The following DEFB116 variants were observed in gnomAD, a reference collection of about 807,000 sequenced individuals.
The protein encoded by DEFB116 is defensin beta 116.
In DEFB116, 5 loss-of-function variants were observed where a neutral mutation model predicts 2.8. That is an observed-to-expected ratio of 1.80 (90% CI 0.94 to 3.79). The LOEUF (loss-of-function observed/expected upper bound fraction) is 3.79, where lower values mean the gene tolerates loss of function less well. Among genes scored for constraint, DEFB116 ranks in the 30% most tolerant of loss-of-function variants. The pLI is 0.00. For synonymous variants in DEFB116, 56 were observed against 40.8 expected, an observed-to-expected ratio of 1.37 and a Z score of -1.42; for missense variants, 170 against 118.0, an observed-to-expected ratio of 1.44 and a Z score of -2.04.
chr20:31,305,188 G>T (rs945239301), intron 1 of DEFB116, among the ~76,000 whole-genome samples: 4 of 151,992 alleles, frequency 2.6e-5, no homozygotes, highest in African/African-American at 9.7e-5. Flanking sequence ...CCCTTATCAT[G>T]GGACCTGCAC....
chr20:31,305,477 A>T, intron 1 of DEFB116, among the ~76,000 whole-genome samples: 1 of 152,144 alleles, frequency 6.6e-6, no homozygotes, highest in East Asian at 1.9e-4. Flanking sequence ...TGATTTAAAT[A>T]AATTTTTTAA....
intron 1 of DEFB116, among the ~76,000 whole-genome samples, chr20:31,306,279 A>G (rs902786714): frequency 1.3e-5 from 2 of 152,164 alleles, no homozygotes; most frequent in African/African-American, 4.8e-5. Flanking sequence ...TCAGCTCAAC[A>G]TCAGAAATGT....
At chr20:31,306,281 C>G (rs1984989080) in intron 1 of DEFB116, among the ~76,000 whole-genome samples, 1 of 152,104 alleles carries the variant, frequency 6.6e-6, no homozygotes, top group Non-Finnish European at 1.5e-5. Flanking sequence ...AGCTCAACAT[C>G]AGAAATGTGT....
intron 1 of DEFB116, among the ~76,000 whole-genome samples, chr20:31,305,612 T>C (rs1984975394): frequency 6.6e-6 from 1 of 152,074 alleles, no homozygotes; most frequent in African/African-American, 2.4e-5. Flanking sequence ...ACTTTGATAA[T>C]CTCTCCATCT....
rs894089828 is a variant in DEFB116 at position 31,303,342 on chromosome 20, G to A, written c.179C>T (p.Thr60Ile). 9 of 1,613,488 alleles carry A rather than the reference G, an allele frequency of 5.6e-6. No homozygotes were observed. The highest frequency in any genetic ancestry group is 2.2e-5 in the East Asian group (1 of 44,874). The change falls in exon 2 of 2, where the codon ACC becomes ATC. Residue 60 changes from threonine (T) to isoleucine (I), a missense_variant. Coordinates refer to ENST00000400549, the MANE Select transcript of DEFB116 (RefSeq NM_001037731.1). ...GCAGCACTTTTGATCATTTGGGCAG[G>A]TTAAGTATTGGATTTCATATTCTCT... ...ACREYEIQYL[T>I]CPNDQKCCLK...
At chr20:31,303,571 A>C in intron 1 of DEFB116, 118 bp from the exon 2 acceptor site, 1 of 1,392,802 alleles carries the variant, frequency 7.2e-7, no homozygotes, top group Non-Finnish European at 9.7e-7. Flanking sequence ...AATCAAAACT[A>C]CCTAGATTCA....
intron 1 of DEFB116, among the ~76,000 whole-genome samples, chr20:31,307,392 C>A (rs781518269): frequency 1.3e-5 from 2 of 152,072 alleles, no homozygotes; most frequent in African/African-American, 2.4e-5. Flanking sequence ...GGATATTTAT[C>A]TTACACCATA....
At chr20:31,305,149 T>C (rs1433003050) in intron 1 of DEFB116, among the ~76,000 whole-genome samples, 2 of 152,064 alleles carry the variant, frequency 1.3e-5, no homozygotes, top group Non-Finnish European at 2.9e-5. Context: ...AGCACAATGA[T>C]ATCACTGTGT....
chr20:31,304,563 A>C (rs1372094193), intron 1 of DEFB116, among the ~76,000 whole-genome samples: 1 of 152,078 alleles, frequency 6.6e-6, no homozygotes, highest in East Asian at 1.9e-4. Context: ...TCTGGTCTAC[A>C]TGACATCAAG....
At position 31,308,432 on chromosome 20, in the gene DEFB116, A is replaced by G. The variant is rs919271942; in HGVS notation, c.67+87T>C. 32 of 1,327,424 alleles carry G rather than the reference A, an allele frequency of 2.4e-5. No individual in the cohort carries two copies. The Admixed American group carries it at 4.9e-4, about 20-fold the overall frequency. The allele number at this position is 1,327,424 out of a possible 1,614,324, so 82.2% of individuals were successfully genotyped here. A position where few individuals can be genotyped will look rare whatever the true frequency, so the allele number is the denominator to read the frequency against. Reference sequence around the variant, plus strand: ...GAAAAGGCTTTAGGTGTTGCCCACTATATGTGAGTAGGAGTCACTGCAGAG... The same window carrying G: ...GAAAAGGCTTTAGGTGTTGCCCACTGTATGTGAGTAGGAGTCACTGCAGAG... On this transcript the variant is annotated intron_variant, in intron 1 of 1. Coordinates refer to ENST00000400549, the MANE Select transcript of DEFB116 (RefSeq NM_001037731.1).
rs1266375121 is a variant in DEFB116 at position 31,308,199 on chromosome 20, GCTC to G, written c.67+317_67+319del. 5.9e-5 allele frequency among the ~76,000 whole-genome samples: 9 copies of G among 152,074 alleles called. No individual in the cohort carries two copies. In the East Asian group the frequency reaches 9.7e-4, roughly 16 times the overall value. On this transcript the variant is annotated intron_variant, in intron 1 of 1. Transcript: ENST00000400549. ...TCCAAACTGCTATACCCCTCCTATA[GCTC>G]CTCAACTTGCACACAGTCTCTCACA...
At chr20:31,303,669 G>A (rs562285320) in intron 1 of DEFB116, among the ~76,000 whole-genome samples, 2 of 152,216 alleles carry the variant, frequency 1.3e-5, no homozygotes, top group Admixed American at 6.5e-5. Context: ...TTCACAACAG[G>A]CAAAATAATA....
In DEFB116 at chr20:31,303,326, T is replaced by C; in HGVS notation, c.195A>G (p.Gln65=). 6.2e-7 allele frequency: 1 copy of C among 1,613,636 alleles called. No individual in the cohort carries two copies. The highest frequency in any genetic ancestry group is 8.5e-7 in the Non-Finnish European group (1 of 1,179,606). The change falls in exon 2 of 2, where the codon CAA becomes CAG. Residue 65 remains glutamine, a synonymous_variant. Coordinates refer to ENST00000400549, the MANE Select transcript of DEFB116 (RefSeq NM_001037731.1). The stretch of plus-strand genomic sequence containing the variant: ...TCACAGAAAGTTTCAGGCAGCACTT[T>C]TGATCATTTGGGCAGGTTAAGTATT... The part of the protein sequence containing the change: ...EIQYLTCPND[Q]KCCLKLSVKI...
intron 1 of DEFB116, among the ~76,000 whole-genome samples, chr20:31,307,883 C>A (rs539061836): frequency 6.6e-6 from 1 of 151,956 alleles, no homozygotes; most frequent in African/African-American, 2.4e-5. Flanking sequence ...AAAAGCCCAA[C>A]TGCAAAACAT....
At chr20:31,305,652 C>T (rs1984976160) in intron 1 of DEFB116, among the ~76,000 whole-genome samples, 1 of 151,890 alleles carries the variant, frequency 6.6e-6, no homozygotes, top group African/African-American at 2.4e-5. Context: ...CCAGCTTTTG[C>T]ATTTCAGCAT....
chr20:31,304,906 T>A (rs890091871), intron 1 of DEFB116, among the ~76,000 whole-genome samples: 2 of 152,098 alleles, frequency 1.3e-5, no homozygotes, highest in Admixed American at 1.3e-4. Flanking sequence ...ACTTTGCTAA[T>A]TTTTAGATTA....
chr20:31,306,464 C>T (rs900619656), intron 1 of DEFB116, among the ~76,000 whole-genome samples: 1 of 152,168 alleles, frequency 6.6e-6, no homozygotes, highest in African/African-American at 2.4e-5. Flanking sequence ...AAGGAAGCTA[C>T]ACTATGTACA....
At position 31,303,387 on chromosome 20, in the gene DEFB116, C is replaced by T. The variant is rs367555948; in HGVS notation, c.134G>A (p.Gly45Asp). The T allele has an allele frequency of 9.3e-6, 15 of 1,613,592 alleles. No individual in the cohort carries two copies. In the East Asian group the frequency reaches 2.5e-4, roughly 26 times the overall value. ...TTCTCTGCAGGCGTTTCTGCACATG[C>T]CTTGGTAAAGCTCACATGGATTCCA... is the stretch of plus-strand genomic sequence containing the variant. ...EPWNPCELYQ[G>D]MCRNACREYE... The change falls in exon 2 of 2, where the codon GGC becomes GAC. Residue 45 changes from glycine (G) to aspartate (D), a missense_variant. Gly to Asp is a moderately conservative substitution (Grantham distance 94). Coordinates refer to ENST00000400549, the MANE Select transcript of DEFB116 (RefSeq NM_001037731.1).
At position 31,303,297 on chromosome 20, in the gene DEFB116, A is replaced by ATT. The variant is rs746951346; in HGVS notation, c.222_223dup (p.Ile75LysfsTer2). 21 of 1,613,632 alleles carry ATT rather than the reference A, an allele frequency of 1.3e-5. No individual in the cohort carries two copies. The South Asian group carries it at 2.3e-4, about 18-fold the overall frequency. ...CTCCTTCACATTTTTAGAACTGGTT[A>ATT]TTTTCACAGAAAGTTTCAGGCAGCA... On this transcript the variant is annotated frameshift_variant, in exon 2 of 2. Transcript: ENST00000400549. LOFTEE classifies it low-confidence loss of function (END_TRUNC).
Sources: allele counts gnomAD v4.1 joint callset (sites outside exome capture counted in the v4.1 genomes callset), GRCh38; gene constraint gnomAD v4.1.1; transcripts MANE v1.5; gene names NCBI Gene and HGNC (gene_info 2026-07-23, HGNC 2026-07-21).